DLG2: variants seen among roughly 807,000 people sequenced by gnomAD.
The protein encoded by DLG2 is disks large homolog 2.
DLG2 carries 45 observed loss-of-function variants against 132.5 expected under a neutral mutation model. The ratio of observed to expected loss-of-function variants is 0.34; its 90% confidence interval spans 0.27 to 0.44. DLG2 has a LOEUF of 0.44. DLG2 is among the 20% of genes least tolerant of loss of function. The pLI is 1.00. For missense variants in DLG2, 1,045 were observed against 1,196.9 expected, an observed-to-expected ratio of 0.87 and a Z score of 1.87; for synonymous variants, 424 against 419.6, an observed-to-expected ratio of 1.01 and a Z score of -0.13.
intron 7 of DLG2, among the ~76,000 whole-genome samples, chr11:84,478,696 AT>A (rs2099128474): frequency 6.6e-6 from 1 of 152,122 alleles, no homozygotes; most frequent in Non-Finnish European, 1.5e-5. Context: ...ACCAGAGTTA[AT>A]GCCGGGACTA....
At chr11:84,332,373 G>A (rs962688708) in intron 7 of DLG2, among the ~76,000 whole-genome samples, 3 of 151,708 alleles carry the variant, frequency 2.0e-5, no homozygotes, top group Admixed American at 6.6e-5. Context: ...CACCACGCCC[G>A]GCTAATTTTT....
chr11:84,475,342 T>C (rs947717161), intron 7 of DLG2, among the ~76,000 whole-genome samples: 2 of 152,110 alleles, frequency 1.3e-5, no homozygotes, highest in African/African-American at 4.8e-5. Flanking sequence ...ATACTAACAT[T>C]TTTTGCGGTC....
At chr11:85,064,927 G>A (rs900455603) in intron 6 of DLG2, among the ~76,000 whole-genome samples, 4 of 151,008 alleles carry the variant, frequency 2.6e-5, no homozygotes, top group African/African-American at 9.7e-5. Flanking sequence ...CCCACCCCAC[G>A]TTTGACAAGC....
At chr11:85,502,342 A>G (rs895032707) in intron 3 of DLG2, among the ~76,000 whole-genome samples, 2 of 151,860 alleles carry the variant, frequency 1.3e-5, no homozygotes, top group Non-Finnish European at 2.9e-5. Flanking sequence ...GGTGCAGCAA[A>G]CCACCACGAC....
chr11:85,463,685 G>A (rs998837614), intron 3 of DLG2, among the ~76,000 whole-genome samples: 1 of 152,096 alleles, frequency 6.6e-6, no homozygotes, highest in Non-Finnish European at 1.5e-5. Context: ...GCGGGAGGAT[G>A]ACTTGAGCCC....
At chr11:84,353,758 C>A (rs888542949) in intron 7 of DLG2, among the ~76,000 whole-genome samples, 2 of 152,276 alleles carry the variant, frequency 1.3e-5, no homozygotes, top group East Asian at 3.9e-4. Context: ...GTCACCCTGA[C>A]TGTGTTCTGT....
At chr11:84,643,841 A>T (rs1474802152) in intron 6 of DLG2, among the ~76,000 whole-genome samples, 1 of 152,230 alleles carries the variant, frequency 6.6e-6, no homozygotes, top group African/African-American at 2.4e-5. Context: ...TGACAAGGAA[A>T]ATAACCATAG....
At chr11:83,742,232 C>CACACAA (rs1278863171) in intron 18 of DLG2, among the ~76,000 whole-genome samples, 4 of 151,824 alleles carry the variant, frequency 2.6e-5, no homozygotes, top group Non-Finnish European at 5.9e-5. Flanking sequence ...CACACACACA[C>CACACAA]ACACACACAC....
At chr11:83,954,469 C>G (rs2086297243) in intron 14 of DLG2, among the ~76,000 whole-genome samples, 1 of 152,142 alleles carries the variant, frequency 6.6e-6, no homozygotes, top group South Asian at 2.1e-4. Context: ...GTCTCACTCC[C>G]CCCTTTCATT....
intron 3 of DLG2, among the ~76,000 whole-genome samples, chr11:85,523,530 G>C (rs959607051): frequency 3.9e-5 from 6 of 152,098 alleles, no homozygotes; most frequent in African/African-American, 9.7e-5. Context: ...ACTACAATAA[G>C]TTATCATCTC....
At chr11:85,315,383 G>T (rs1445075890) in intron 3 of DLG2, among the ~76,000 whole-genome samples, 1 of 151,880 alleles carries the variant, frequency 6.6e-6, no homozygotes, top group Non-Finnish European at 1.5e-5. Context: ...CACTCCAGCT[G>T]CAAGGACTCC....
intron 15 of DLG2, among the ~76,000 whole-genome samples, chr11:83,917,853 T>C (rs974340374): frequency 6.6e-6 from 1 of 152,256 alleles, no homozygotes; most frequent in Admixed American, 6.5e-5. Context: ...TCTGTTTTCA[T>C]AGTTATTACT....
chr11:85,416,053 G>A (rs1400608704), intron 3 of DLG2, among the ~76,000 whole-genome samples: 3 of 152,158 alleles, frequency 2.0e-5, no homozygotes, highest in Non-Finnish European at 4.4e-5. Context: ...TTTGTAAAAG[G>A]TGTAAGGACG....
At chr11:84,850,164 A>T (rs11234203) in intron 6 of DLG2, among the ~76,000 whole-genome samples, 78,378 of 151,844 alleles carry the variant, frequency 0.52, 21,499 homozygotes, top group African/African-American at 0.69. Flanking sequence ...CTGCTTGAAG[A>T]TATATGTTGC....
At chr11:85,260,080 C>G (rs2076864718) in intron 4 of DLG2, among the ~76,000 whole-genome samples, 1 of 152,060 alleles carries the variant, frequency 6.6e-6, no homozygotes. Context: ...AGTCCTGGCT[C>G]TACCATCAAC....
chr11:84,977,818 G>A lies in DLG2; in HGVS notation c.357+133843C>T, dbSNP rs183842877. Among the ~76,000 whole-genome samples the A allele has an allele frequency of 1.1e-3, 161 of 152,230 alleles. 1 individual carries two copies. The highest frequency in any genetic ancestry group is 3.6e-3 in the African/African-American group (150 of 41,540). ...CTGATAAATATTTTGTACCTGGGGG[G>A]TGCCATGATGGAGATTTGTATCATT... On this transcript the variant is annotated intron_variant, in intron 6 of 27. Coordinates refer to ENST00000376104, the MANE Select transcript of DLG2 (RefSeq NM_001142699.3).
At chr11:83,932,894 A>G (rs1401248139) in intron 14 of DLG2, among the ~76,000 whole-genome samples, 1 of 152,148 alleles carries the variant, frequency 6.6e-6, no homozygotes, top group Non-Finnish European at 1.5e-5. Flanking sequence ...GCATGTGCGC[A>G]TGGTTCATCT....
At chr11:85,347,180 T>C (rs950130768) in intron 3 of DLG2, among the ~76,000 whole-genome samples, 5 of 152,092 alleles carry the variant, frequency 3.3e-5, no homozygotes, top group Admixed American at 2.6e-4. Context: ...ATTATGACAT[T>C]TGGGCATGCT....
chr11:84,777,408 G>A (rs1249272279), intron 6 of DLG2, among the ~76,000 whole-genome samples: 6 of 148,470 alleles, frequency 4.0e-5, no homozygotes, highest in Admixed American at 6.8e-5. Context: ...TGTGATAAAC[G>A]TAACAGTGTA....
Sources: allele counts gnomAD v4.1 joint callset (sites outside exome capture counted in the v4.1 genomes callset), GRCh38; gene constraint gnomAD v4.1.1; transcripts MANE v1.5; gene names NCBI Gene and HGNC (gene_info 2026-07-23, HGNC 2026-07-21).